OTUD7B: variants seen among roughly 807,000 people sequenced by gnomAD.
The protein encoded by OTUD7B is OTU deubiquitinase 7B, also known as OTU domain-containing protein 7B.
In OTUD7B, 34 loss-of-function variants were observed where a neutral mutation model predicts 82.2. That is an observed-to-expected ratio of 0.41 (90% confidence interval 0.31 to 0.55). The LOEUF (loss-of-function observed/expected upper bound fraction) is 0.55, where lower values mean the gene tolerates loss of function less well. Among genes scored for constraint, OTUD7B ranks in the 20% least tolerant of loss-of-function variants. The pLI, the probability that OTUD7B is intolerant of heterozygous loss-of-function variation, is 0.20. For synonymous variants in OTUD7B, 398 were observed against 402.7 expected (o/e 0.99, Z 0.14); for missense variants, 944 against 1,062.1 (o/e 0.89, Z 1.55).
At chr1:150,036,121 T>C in the OTUD7B span, among the ~76,000 whole-genome samples, 3,262 of 151,916 alleles carry the variant, frequency 0.021, 96 homozygotes, top group African/African-American at 0.074. Flanking sequence ...CCTGGTTAAT[T>C]TTTGTATTTT....
rs376763450 is a variant in OTUD7B at position 149,947,297 on chromosome 1, T to A, written c.1277A>T (p.His426Leu). 1.9e-6 allele frequency: 3 copies of A among 1,611,022 alleles called. No homozygotes were observed. The highest frequency in any genetic ancestry group is 1.7e-5 in the Admixed American group (1 of 60,002). Reference sequence around the variant, plus strand: ...GATCCACTTCACATTCATGTAGCTATGCAGCAGATGCAATTTGACCTCTAG... The same window carrying A: ...GATCCACTTCACATTCATGTAGCTAAGCAGCAGATGCAATTTGACCTCTAG... ...LSLEVKLHLL[H>L]SYMNVKWIPL... Residue 426 changes from histidine to leucine, a missense_variant, in exon 11 of 12, where the codon CAT (histidine) becomes CTT (leucine). His to Leu is a moderately conservative substitution (Grantham distance 99). Transcript: ENST00000581312.
At chr1:149,999,062 A>C (rs1040602771) in intron 1 of OTUD7B, among the ~76,000 whole-genome samples, 11 of 152,122 alleles carry the variant, frequency 7.2e-5, no homozygotes, top group Non-Finnish European at 1.6e-4. Context: ...CCTCCTTGGC[A>C]TCTCCTTAGT....
At chr1:149,963,843 T>C (rs1176393692) in intron 6 of OTUD7B, 5 of 169,528 alleles carry the variant, frequency 2.9e-5, no homozygotes, top group Admixed American at 1.1e-4. Context: ...CACATTTCTA[T>C]AGGGGCTGAA....
At chr1:149,949,604 G>A (rs1051473574) in intron 9 of OTUD7B, 25 bp downstream of exon 9, 2 of 1,606,622 alleles carry the variant, frequency 1.2e-6, no homozygotes, top group Admixed American at 1.7e-5. Context: ...AAATAATGCA[G>A]ACCAAAAGAC....
intron 7 of OTUD7B, 149 bp from the exon 8 acceptor site, chr1:149,950,370 G>C: frequency 1.4e-6 from 1 of 731,702 alleles, no homozygotes; most frequent in Non-Finnish European, 2.2e-6. Flanking sequence ...TGATATAGCT[G>C]ATTATTTTAT....
chr1:149,992,467 GTTTTTTTTT>G (rs1166098299), intron 1 of OTUD7B, among the ~76,000 whole-genome samples: 2 of 61,560 alleles, frequency 3.2e-5, no homozygotes, highest in South Asian at 7.7e-4. Flanking sequence ...GTGTGCATGT[GTTTTTTTTT>G]TTTTTTTTTT....
At chr1:150,007,052 T>G (rs1000856295) in intron 1 of OTUD7B, among the ~76,000 whole-genome samples, 1 of 152,190 alleles carries the variant, frequency 6.6e-6, no homozygotes, top group African/African-American at 2.4e-5. Flanking sequence ...CCCTCTTGCC[T>G]GCTCTACTCA....
chr1:150,000,619 A>G (rs1553784525), intron 1 of OTUD7B, among the ~76,000 whole-genome samples: 1 of 152,210 alleles, frequency 6.6e-6, no homozygotes. Context: ...AAAAAAAGTT[A>G]CAAAAGGATA....
Position 149,950,159 on chromosome 1 carries a change from G to C in OTUD7B, c.908C>G (p.Ala303Gly). The change falls in exon 8 of 12, where the codon GCT (alanine) becomes GGT (glycine). Residue 303 changes from alanine to glycine, a missense_variant. This residue lies in a region of OTUD7B where 530 missense variants were observed against 625.6 expected (regional missense o/e 0.85). Transcript: ENST00000581312. ...GACTATGGGCCTCCTAAGCACATGA[G>C]CAAGGACAAAGACGTGAAACTCTTC... Reference protein sequence around the residue: ...SLEEFHVFVLAHVLRRPIVVV... With the variant: ...SLEEFHVFVLGHVLRRPIVVV... 1 of 1,614,124 alleles carries C rather than the reference G, an allele frequency of 6.2e-7. No homozygotes were observed. Among genetic ancestry groups the C allele is most frequent in the Non-Finnish European group, 8.5e-7 (1 of 1,179,990 alleles).
intron 7 of OTUD7B, among the ~76,000 whole-genome samples, chr1:149,951,000 G>T (rs1315420394): frequency 0.96 from 67,339 of 70,318 alleles, 33,385 homozygotes; most frequent in Non-Finnish European, 1. Flanking sequence ...TTTTTTTTTT[G>T]TAGATGGAGT....
At chr1:149,947,144 A>G (rs1231401085) in intron 11 of OTUD7B, 107 bp downstream of exon 11, 3 of 604,098 alleles carry the variant, frequency 5.0e-6, no homozygotes, top group Non-Finnish European at 9.2e-6. Flanking sequence ...TTGAATTGTA[A>G]GCCACCACTC....
intron 11 of OTUD7B, among the ~76,000 whole-genome samples, chr1:149,946,762 GAC>G (rs1647785978): frequency 7.6e-6 from 1 of 131,112 alleles, no homozygotes. Flanking sequence ...AAAAAAAAAG[GAC>G]AGGAAAGGCC....
At chr1:150,008,036 T>C (rs1652782045) in intron 1 of OTUD7B, among the ~76,000 whole-genome samples, 1 of 152,226 alleles carries the variant, frequency 6.6e-6, no homozygotes, top group Admixed American at 6.5e-5. Context: ...CTTTGACAAG[T>C]GGCACTTAGT....
chr1:149,961,752 T>C (rs1182010277), intron 6 of OTUD7B: 1 of 152,236 alleles, frequency 6.6e-6, no homozygotes, highest in East Asian at 1.9e-4. Context: ...TATGCTAGGA[T>C]CATGTTTTAT....
At chr1:149,965,922 G>T in intron 4 of OTUD7B, 44 bp from the exon 5 acceptor site, 1 of 1,504,910 alleles carries the variant, frequency 6.6e-7, no homozygotes, top group Non-Finnish European at 9.2e-7. Flanking sequence ...TATCCATGAA[G>T]CCCTTCCACC....
intron 2 of OTUD7B, among the ~76,000 whole-genome samples, chr1:149,976,823 TA>T: frequency 6.6e-6 from 1 of 151,602 alleles, no homozygotes; most frequent in East Asian, 2.0e-4. Context: ...CTTACAGATC[TA>T]AAATTATGCT....
At chr1:150,032,563 A>G in the OTUD7B span, among the ~76,000 whole-genome samples, 1 of 150,632 alleles carries the variant, frequency 6.6e-6, no homozygotes, top group East Asian at 2.0e-4. Flanking sequence ...TGAGACCAGG[A>G]GTTTAAGGCT....
the OTUD7B span, among the ~76,000 whole-genome samples, chr1:150,055,684 C>T: frequency 2.6e-5 from 4 of 152,144 alleles, no homozygotes; most frequent in Non-Finnish European, 4.4e-5. Context: ...ACGTATACAC[C>T]ATGGAATACT....
At chr1:150,018,711 C>T in the OTUD7B span, among the ~76,000 whole-genome samples, 1 of 152,070 alleles carries the variant, frequency 6.6e-6, no homozygotes, top group African/African-American at 2.4e-5. Flanking sequence ...CATCTTTCAT[C>T]TTATTCAGGA....
Sources: gnomAD v4.1 joint callset for allele counts (sites outside exome capture counted in the v4.1 genomes callset) on GRCh38, gnomAD v4.1.1 for gene constraint, gnomAD v4.1.1 regional missense constraint, MANE v1.5 for transcripts, NCBI Gene and HGNC (gene_info 2026-07-23, HGNC 2026-07-21) for gene names.